Variants in REEP3 observed in about 807,000 individuals in gnomAD.
REEP3 encodes receptor accessory protein 3, also known as receptor expression-enhancing protein 3.
In REEP3, 20 loss-of-function variants were observed where a neutral mutation model predicts 41.3. That is an observed-to-expected ratio of 0.48 (90% confidence interval 0.34 to 0.70). The LOEUF is 0.70. REEP3 is among the 30% of genes least tolerant of loss of function. The pLI is 0.01. For missense variants in REEP3, 271 were observed against 308.8 expected (o/e 0.88, Z 0.92); for synonymous variants, 104 against 101.8 (o/e 1.02, Z -0.13).
intron 1 of REEP3, among the ~76,000 whole-genome samples, chr10:63,532,322 C>A (rs1955430133): frequency 6.6e-6 from 1 of 151,942 alleles, no homozygotes. Context: ...ATATTAATAC[C>A]GAGAGCATTA....
intron 2 of REEP3, among the ~76,000 whole-genome samples, chr10:63,591,113 GTGTTTT>G (rs1478980662): frequency 6.9e-5 from 9 of 130,070 alleles, no homozygotes; most frequent in Non-Finnish European, 1.3e-4. Context: ...TTTAGGTTTT[GTGTTTT>G]TGTTTTTGTT....
At chr10:63,548,133 T>C (rs923703970) in intron 1 of REEP3, among the ~76,000 whole-genome samples, 1 of 152,158 alleles carries the variant, frequency 6.6e-6, no homozygotes, top group Non-Finnish European at 1.5e-5. Flanking sequence ...GTGATAAGGA[T>C]AGAAAAGCAT....
At chr10:63,606,187 G>C in intron 5 of REEP3, 2 of 632,690 alleles carry the variant, frequency 3.2e-6, no homozygotes, top group Non-Finnish European at 3.9e-6. Flanking sequence ...ATTATCTTGT[G>C]AATGGTAATC....
At chr10:63,556,626 G>GTTT (rs367820586) in intron 1 of REEP3, among the ~76,000 whole-genome samples, 2 of 87,106 alleles carry the variant, frequency 2.3e-5, no homozygotes, top group African/African-American at 8.1e-5. Flanking sequence ...TTTTTTTTTT[G>GTTT]TTGTTTTGTT....
chr10:63,569,747 G>A (rs1366196678), intron 2 of REEP3, among the ~76,000 whole-genome samples: 1 of 152,084 alleles, frequency 6.6e-6, no homozygotes, highest in Non-Finnish European at 1.5e-5. Flanking sequence ...TTTGAGACCA[G>A]CCTGGCCAAC....
At position 63,550,303 on chromosome 10, in the gene REEP3, ATTGT is replaced by A. The variant is rs558579293; in HGVS notation, c.33-16031_33-16028del. Among the ~76,000 whole-genome samples, 395 of 152,296 alleles carry A rather than the reference ATTGT, an allele frequency of 2.6e-3. 2 individuals are homozygous for A. The highest frequency in any genetic ancestry group is 9.1e-3 in the African/African-American group (380 of 41,566). ...TTGGATGTAAATCTGATGGTACTAG[ATTGT>A]TTGGGAATATGGAAGTTAATACTTT... On this transcript the variant is annotated intron_variant, in intron 1 of 7. Coordinates refer to ENST00000373758, the MANE Select transcript of REEP3 (RefSeq NM_001001330.3).
intron 2 of REEP3, among the ~76,000 whole-genome samples, chr10:63,579,184 A>G (rs1955926945): frequency 6.6e-6 from 1 of 151,920 alleles, no homozygotes; most frequent in Non-Finnish European, 1.5e-5. Context: ...GTCACCCACC[A>G]CCACGCCCAG....
intron 1 of REEP3, among the ~76,000 whole-genome samples, chr10:63,560,405 TTG>T (rs1301996205): frequency 6.6e-6 from 1 of 152,196 alleles, no homozygotes; most frequent in East Asian, 1.9e-4. Context: ...TAAGGATGAA[TTG>T]TGTCTGAATA....
intron 5 of REEP3, chr10:63,606,030 T>C (rs1043752658): frequency 1.1e-4 from 58 of 509,344 alleles, no homozygotes; most frequent in Non-Finnish European, 1.4e-4. Context: ...AGTTTCAATG[T>C]GTAAAATATT....
At chr10:63,570,934 G>A (rs549956385) in intron 2 of REEP3, among the ~76,000 whole-genome samples, 4 of 152,272 alleles carry the variant, frequency 2.6e-5, no homozygotes, top group Non-Finnish European at 4.4e-5. Context: ...GGGCAACATG[G>A]TAAAACCCCA....
At chr10:63,522,821 C>T (rs1955299464) in intron 1 of REEP3, among the ~76,000 whole-genome samples, 1 of 152,164 alleles carries the variant, frequency 6.6e-6, no homozygotes, top group Non-Finnish European at 1.5e-5. Context: ...CTGTGTTCCC[C>T]TGTACGAAAC....
At chr10:63,598,783 CAAA>C (rs557044785) in intron 4 of REEP3, among the ~76,000 whole-genome samples, 3 of 117,316 alleles carry the variant, frequency 2.6e-5, no homozygotes, top group Non-Finnish European at 3.5e-5. Context: ...GACTCCATCT[CAAA>C]AAAAAAAAAA....
chr10:63,584,450 A>AAAC (rs34526302), intron 2 of REEP3, among the ~76,000 whole-genome samples: 1 of 150,484 alleles, frequency 6.6e-6, no homozygotes, highest in African/African-American at 2.4e-5. Flanking sequence ...AAAAAAAAAA[A>AAAC]CTATTTTCAG....
chr10:63,586,206 A>G (rs1956005173), intron 2 of REEP3, among the ~76,000 whole-genome samples: 1 of 152,096 alleles, frequency 6.6e-6, no homozygotes, highest in South Asian at 2.1e-4. Context: ...GAAGCTAAGA[A>G]CTCTATCACA....
chr10:63,619,649 G>T lies in REEP3; in HGVS notation c.566-6G>T. On this transcript the variant is annotated splice_region_variant and splice_polypyrimidine_tract_variant and intron_variant, in intron 6 of 7. Transcript: ENST00000373758. ...CAAAACATGCTGTTTTTGACAACTT[G>T]TTTAGGTTATGGAATTCCACTGAAA... 2.5e-6 allele frequency: 4 copies of T among 1,595,230 alleles called. No individual in the cohort carries two copies. The highest frequency in any genetic ancestry group is 3.4e-6 in the Non-Finnish European group (4 of 1,170,442).
chr10:63,537,478 A>G (rs1955485867), intron 1 of REEP3, among the ~76,000 whole-genome samples: 1 of 152,204 alleles, frequency 6.6e-6, no homozygotes, highest in Non-Finnish European at 1.5e-5. Flanking sequence ...CTTAAGTTGG[A>G]TGCCGGATTC....
chr10:63,564,166 A>G (rs1955773830), intron 1 of REEP3, among the ~76,000 whole-genome samples: 1 of 152,362 alleles, frequency 6.6e-6, no homozygotes, highest in African/African-American at 2.4e-5. Flanking sequence ...GAAACTGGGT[A>G]TGTAGTATAT....
intron 2 of REEP3, among the ~76,000 whole-genome samples, chr10:63,586,764 T>C (rs1267870946): frequency 6.6e-6 from 1 of 152,136 alleles, no homozygotes; most frequent in Non-Finnish European, 1.5e-5. Context: ...ACTCCTGTGC[T>C]CAAGCAATCC....
chr10:63,553,232 A>T (rs1242207240), intron 1 of REEP3, among the ~76,000 whole-genome samples: 8 of 152,196 alleles, frequency 5.3e-5, no homozygotes, highest in African/African-American at 1.7e-4. Flanking sequence ...CATGGGAAAA[A>T]ATTACTGTGT....
Sources: allele counts gnomAD v4.1 joint callset (sites outside exome capture counted in the v4.1 genomes callset), GRCh38; gene constraint gnomAD v4.1.1; transcripts MANE v1.5; gene names NCBI Gene and HGNC (gene_info 2026-07-23, HGNC 2026-07-21).